PCDHA1: variants seen among roughly 807,000 people sequenced by gnomAD.
PCDHA1 encodes the protein protocadherin alpha-1.
A neutral mutation model predicts 61.3 loss-of-function variants in PCDHA1; 42 were observed. The observed-to-expected ratio is 0.69, with a 90% CI of 0.54 to 0.89. The LOEUF is 0.89. Ranked by LOEUF, PCDHA1 falls within the 40% of genes least tolerant of loss-of-function variation. The probability of loss-of-function intolerance (pLI) is 0.00; values close to 1 mark genes in which losing one functional copy is unlikely to be tolerated. For synonymous variants in PCDHA1, 610 were observed against 553.8 expected (o/e 1.10, Z -1.43); for missense variants, 1,256 against 1,235.3 (o/e 1.02, Z -0.25).
At chr5:140,834,013 C>T (rs1286053645) in intron 1 of PCDHA1, among the ~76,000 whole-genome samples, 3 of 152,146 alleles carry the variant, frequency 2.0e-5, no homozygotes, top group East Asian at 1.9e-4. Context: ...TCTGGTAACA[C>T]TGAGTATTCA....
intron 1 of PCDHA1, chr5:140,803,544 C>T: frequency 6.2e-7 from 1 of 1,614,160 alleles, no homozygotes; most frequent in Non-Finnish European, 8.5e-7. Flanking sequence ...TCCAATTAGC[C>T]GGGATAGAGA....
intron 1 of PCDHA1, chr5:140,877,538 C>T: frequency 1.2e-6 from 2 of 1,613,776 alleles, no homozygotes; most frequent in Non-Finnish European, 1.7e-6. Context: ...GCTGTGGATC[C>T]CGAAGCGGCT....
chr5:140,877,389 G>T, intron 1 of PCDHA1: 1 of 1,613,994 alleles, frequency 6.2e-7, no homozygotes, highest in Non-Finnish European at 8.5e-7. Context: ...TCCTGGATGA[G>T]GCGGACGCTC....
At chr5:140,885,543 G>A (rs1554182177) in intron 1 of PCDHA1, among the ~76,000 whole-genome samples, 2 of 152,092 alleles carry the variant, frequency 1.3e-5, no homozygotes, top group Non-Finnish European at 2.9e-5. Flanking sequence ...CAAAATATTG[G>A]TGTTATTTCT....
intron 1 of PCDHA1, chr5:140,808,728 G>T (rs559957887): frequency 6.2e-7 from 1 of 1,612,192 alleles, no homozygotes; most frequent in African/African-American, 1.3e-5. Context: ...CATGCGGAGA[G>T]CGGCAAGGTG....
intron 1 of PCDHA1, chr5:140,824,475 A>G (rs1438730480): frequency 7.7e-6 from 3 of 390,628 alleles, no homozygotes; most frequent in Non-Finnish European, 1.4e-5. Context: ...TTTTATTGTT[A>G]TTTTTTAGAG....
In PCDHA1 at chr5:141,012,190, T is replaced by C. The variant is rs1002658582; in HGVS notation, c.*2253T>C. On this transcript the variant is annotated 3_prime_UTR_variant, in exon 4 of 4. Transcript: ENST00000504120. ...TTAATGATGATAATTATAATGTATCTGTACAGCACTTTTTACATTTGCGAA... is the reference window on the plus strand; with the variant it reads ...TTAATGATGATAATTATAATGTATCCGTACAGCACTTTTTACATTTGCGAA... The C allele has an allele frequency of 2.0e-5, 3 of 153,780 alleles. No homozygotes were observed. Among genetic ancestry groups the C allele is most frequent in the African/African-American group, 7.2e-5 (3 of 41,458 alleles). 9.5% of individuals were successfully genotyped at this position (153,780 alleles called of 1,614,324 possible).
intron 1 of PCDHA1, among the ~76,000 whole-genome samples, chr5:140,915,956 A>G (rs1170172761): frequency 6.6e-6 from 1 of 151,996 alleles, no homozygotes; most frequent in African/African-American, 2.4e-5. Flanking sequence ...ATACTTAGAA[A>G]TTTGCCTGAT....
chr5:140,995,237 T>G (rs1242320046), intron 3 of PCDHA1, among the ~76,000 whole-genome samples: 1 of 152,148 alleles, frequency 6.6e-6, no homozygotes, highest in African/African-American at 2.4e-5. Context: ...GGGCCAGTAT[T>G]AAGTAAAATA....
chr5:140,868,742 T>A (rs2050624283), intron 1 of PCDHA1: 2 of 208,154 alleles, frequency 9.6e-6, no homozygotes, highest in Non-Finnish European at 9.7e-6. Flanking sequence ...AGAAATACAA[T>A]GCCATTTCCA....
chr5:140,884,745 A>G (rs1479357916), intron 1 of PCDHA1: 20 of 1,431,734 alleles, frequency 1.4e-5, no homozygotes, highest in Non-Finnish European at 1.7e-5. Context: ...TTTCCTGCCA[A>G]TTTCAAATTA....
Position 140,871,064 on chromosome 5 carries a change from G to A in PCDHA1, c.2394+82380G>A, listed in dbSNP as rs369373152. The A allele has an allele frequency of 5.6e-6, 9 of 1,613,116 alleles. No individual in the cohort carries two copies. Among genetic ancestry groups the A allele is most frequent in the Middle Eastern group, 1.6e-4 (1 of 6,084 alleles). ...CTTCTAGTACTGGTGAAGGATCACG[G>A]TGAGCCGGCGCTGACGGCCACGGCC... On this transcript the variant is annotated intron_variant, in intron 1 of 3. Coordinates refer to ENST00000504120, the MANE Select transcript of PCDHA1 (RefSeq NM_018900.4).
chr5:140,834,648 C>T (rs1554134397), intron 1 of PCDHA1: 3 of 1,614,200 alleles, frequency 1.9e-6, no homozygotes, highest in Admixed American at 1.7e-5. Flanking sequence ...TGTGAATTCT[C>T]GGATCGACCG....
intron 1 of PCDHA1, chr5:140,929,215 T>C (rs1554206842): frequency 1.2e-6 from 2 of 1,613,934 alleles, no homozygotes; most frequent in East Asian, 2.2e-5. Context: ...GCGTGGGGAG[T>C]ACAATGCTGC....
intron 1 of PCDHA1, among the ~76,000 whole-genome samples, chr5:140,819,556 G>T (rs1363916364): frequency 2.0e-5 from 3 of 152,102 alleles, no homozygotes; most frequent in African/African-American, 7.2e-5. Context: ...TTTGATTGAA[G>T]AAAATAGCTT....
At chr5:140,956,363 A>G (rs938643620) in intron 1 of PCDHA1, among the ~76,000 whole-genome samples, 2 of 152,026 alleles carry the variant, frequency 1.3e-5, no homozygotes, top group African/African-American at 4.8e-5. Context: ...ACATGAAGGG[A>G]TGTTGAATTT....
rs781866633 is a variant in PCDHA1, at chr5:140,788,335, C to T, written c.2045C>T (p.Ala682Val). 11 of 1,613,818 alleles carry T rather than the reference C, an allele frequency of 6.8e-6. No homozygotes were observed. Among genetic ancestry groups the T allele is most frequent in the South Asian group, 1.1e-5 (1 of 91,078 alleles). The change falls in exon 1 of 4, where the codon GCG (alanine) becomes GTG (valine). Residue 682 changes from alanine to valine, a missense_variant. Physicochemically the swap from Ala to Val is moderately conservative, Grantham distance 64. Coordinates refer to ENST00000504120, the MANE Select transcript of PCDHA1 (RefSeq NM_018900.4). ...CAGGCGCCAAAGGCGTCTTCGCGGG[C>T]GTCGGTGGGTGTCGCGGGCCCAGAG... ...SGQAPKASSR[A>V]SVGVAGPEAA...
At chr5:140,870,590 G>C in intron 1 of PCDHA1, 1 of 1,613,564 alleles carries the variant, frequency 6.2e-7, no homozygotes, top group Non-Finnish European at 8.5e-7. Context: ...CTGGTGGAGC[G>C]GCGGTTGGGC....
intron 1 of PCDHA1, chr5:140,858,078 C>T (rs782110139): frequency 6.3e-7 from 1 of 1,597,798 alleles, no homozygotes; most frequent in South Asian, 1.1e-5. Context: ...GCACCCAAGG[C>T]CTCGTCGCGG....
Sources: allele counts gnomAD v4.1 joint callset (sites outside exome capture counted in the v4.1 genomes callset), GRCh38; gene constraint gnomAD v4.1.1; transcripts MANE v1.5; gene names NCBI Gene and HGNC (gene_info 2026-07-23, HGNC 2026-07-21).